Variants in PTPN5 observed in about 807,000 individuals in gnomAD.
The protein encoded by PTPN5 is protein tyrosine phosphatase non-receptor type 5.
PTPN5 carries 29 observed loss-of-function variants against 73.9 expected under a neutral mutation model. The observed-to-expected ratio is 0.39, with a 90% CI of 0.29 to 0.54. The LOEUF (loss-of-function observed/expected upper bound fraction) is 0.54, where lower values mean the gene tolerates loss of function less well. Among genes scored for constraint, PTPN5 ranks in the 20% least tolerant of loss-of-function variants. PTPN5 has a pLI of 0.65. For synonymous variants in PTPN5, 267 were observed against 304.7 expected (o/e 0.88, Z 1.29); for missense variants, 652 against 751.4 (o/e 0.87, Z 1.55).
chr11:18,748,878 C>T (rs916405302), intron 3 of PTPN5, among the ~76,000 whole-genome samples: 2 of 152,188 alleles, frequency 1.3e-5, no homozygotes, highest in South Asian at 4.1e-4. Context: ...TCTGGGGACA[C>T]AGCAGTGAAG....
In PTPN5 at chr11:18,777,991, AAAGGAAGGAAGG is replaced by A. The variant is rs1157092227; in HGVS notation, c.-113-5932_-113-5921del. On this transcript the variant is annotated intron_variant, in intron 1 of 14. Coordinates refer to ENST00000358540, the MANE Select transcript of PTPN5 (RefSeq NM_006906.2). The stretch of plus-strand genomic sequence containing the variant: ...GGAAGGAAGGAAGAAAGAAAGAAAG[AAAGGAAGGAAGG>A]AAGGAAGGAAGGAAGGAAGGAAGGG... Among the ~76,000 whole-genome samples, 6 of 92,566 alleles carry A rather than the reference AAAGGAAGGAAGG, an allele frequency of 6.5e-5. No individual in the cohort carries two copies. The East Asian group carries it at 4.0e-3, about 62-fold the overall frequency. The allele number at this position is 92,566 out of a possible 152,430, so 60.7% of individuals were successfully genotyped here.
chr11:18,748,222 T>C (rs1175711862), intron 3 of PTPN5, among the ~76,000 whole-genome samples: 1 of 152,204 alleles, frequency 6.6e-6, no homozygotes, highest in African/African-American at 2.4e-5. Context: ...TATGCGAGGC[T>C]CTGTGAGACC....
At chr11:18,750,172 G>A (rs1032564716) in intron 3 of PTPN5, among the ~76,000 whole-genome samples, 1 of 152,170 alleles carries the variant, frequency 6.6e-6, no homozygotes, top group East Asian at 1.9e-4. Flanking sequence ...ACCGTGTGCT[G>A]GGTGCGGTTC....
intron 1 of PTPN5, among the ~76,000 whole-genome samples, chr11:18,774,957 C>T (rs188730312): frequency 6.6e-6 from 1 of 152,232 alleles, no homozygotes; most frequent in Non-Finnish European, 1.5e-5. Context: ...TAGCTCCCGA[C>T]CGAAGAGGAT....
At chr11:18,751,093 A>T (rs539717028) in intron 3 of PTPN5, among the ~76,000 whole-genome samples, 1 of 152,294 alleles carries the variant, frequency 6.6e-6, no homozygotes, top group East Asian at 1.9e-4. Flanking sequence ...TGCCACTGCA[A>T]TATCACACCC....
chr11:18,778,573 CT>C (rs972623247), intron 1 of PTPN5, among the ~76,000 whole-genome samples: 3 of 152,158 alleles, frequency 2.0e-5, no homozygotes, highest in Non-Finnish European at 4.4e-5. Flanking sequence ...AAGATCTGGT[CT>C]TTTGAAAGCA....
In PTPN5 at chr11:18,788,419, C is replaced by T. The variant is rs143527094; in HGVS notation, c.-114+3106G>A. 5.3e-4 allele frequency among the ~76,000 whole-genome samples: 80 copies of T among 152,282 alleles called. No individual in the cohort carries two copies. In the South Asian group the frequency reaches 6.2e-3, roughly 12 times the overall value. The stretch of plus-strand genomic sequence containing the variant: ...AATAACCTCCATCCCCTTACCCAAC[C>T]TTCCTTCTCAAGTCCCTTCTTTTAT... On this transcript the variant is annotated intron_variant, in intron 1 of 14. Transcript: ENST00000358540.
chr11:18,786,692 G>T (rs1490304717), intron 1 of PTPN5, among the ~76,000 whole-genome samples: 1 of 152,108 alleles, frequency 6.6e-6, no homozygotes, highest in South Asian at 2.1e-4. Context: ...CTGGACTGGG[G>T]GTCCAGAGAT....
At chr11:18,763,903 G>C (rs773435626) in intron 3 of PTPN5, among the ~76,000 whole-genome samples, 3 of 152,164 alleles carry the variant, frequency 2.0e-5, no homozygotes, top group Non-Finnish European at 2.9e-5. Flanking sequence ...CAGAACAGGC[G>C]GACTCAAACG....
chr11:18,752,977 A>C (rs1849960296), intron 3 of PTPN5, among the ~76,000 whole-genome samples: 1 of 152,246 alleles, frequency 6.6e-6, no homozygotes, highest in South Asian at 2.1e-4. Context: ...CTCATCTTTA[A>C]GCCTCTAGTT....
At chr11:18,767,984 T>C (rs1850712709) in intron 2 of PTPN5, among the ~76,000 whole-genome samples, 1 of 152,196 alleles carries the variant, frequency 6.6e-6, no homozygotes, top group Non-Finnish European at 1.5e-5. Context: ...CTGTAATATA[T>C]GCCATTATTC....
At chr11:18,770,918 C>T (rs756227524) in intron 2 of PTPN5, among the ~76,000 whole-genome samples, 6 of 152,138 alleles carry the variant, frequency 3.9e-5, no homozygotes, top group African/African-American at 1.4e-4. Context: ...AAAGGCACCG[C>T]CCCTCTGCCT....
At chr11:18,786,424 G>A (rs978512699) in intron 1 of PTPN5, among the ~76,000 whole-genome samples, 4 of 152,034 alleles carry the variant, frequency 2.6e-5, no homozygotes, top group African/African-American at 4.8e-5. Flanking sequence ...GGATAGTCTC[G>A]ATCTCCTGAC....
At chr11:18,779,213 G>A (rs1222150885) in intron 1 of PTPN5, among the ~76,000 whole-genome samples, 1 of 152,160 alleles carries the variant, frequency 6.6e-6, no homozygotes, top group Non-Finnish European at 1.5e-5. Context: ...GCTCAGGCCT[G>A]GCTCACGTCA....
At chr11:18,774,228 T>C (rs1851040123) in intron 1 of PTPN5, among the ~76,000 whole-genome samples, 1 of 152,226 alleles carries the variant, frequency 6.6e-6, no homozygotes, top group Admixed American at 6.5e-5. Flanking sequence ...AAGGTGAATG[T>C]TGACTATCAT....
chr11:18,772,907 T>C (rs1344820391), intron 1 of PTPN5, among the ~76,000 whole-genome samples: 2 of 151,084 alleles, frequency 1.3e-5, no homozygotes, highest in Non-Finnish European at 2.9e-5. Context: ...GCCAGACCCC[T>C]AAGGAGGCAG....
chr11:18,739,901 C>T (rs964764784), intron 8 of PTPN5, among the ~76,000 whole-genome samples: 2 of 152,180 alleles, frequency 1.3e-5, no homozygotes, highest in African/African-American at 2.4e-5. Context: ...CGAGATGTGC[C>T]GGCACCCCTG....
chr11:18,745,576 C>CTT (rs1849581783), intron 3 of PTPN5, among the ~76,000 whole-genome samples: 1 of 152,172 alleles, frequency 6.6e-6, no homozygotes, highest in South Asian at 2.1e-4. Flanking sequence ...AAGGTAACAC[C>CTT]TATTCATCTT....
intron 3 of PTPN5, among the ~76,000 whole-genome samples, chr11:18,752,486 C>T (rs1849936068): frequency 6.6e-6 from 1 of 152,146 alleles, no homozygotes; most frequent in Non-Finnish European, 1.5e-5. Context: ...TGCTGGCTGG[C>T]AACTGGGGTC....
Sources: allele counts gnomAD v4.1 joint callset (sites outside exome capture counted in the v4.1 genomes callset), GRCh38; gene constraint gnomAD v4.1.1; transcripts MANE v1.5; gene names NCBI Gene and HGNC (gene_info 2026-07-23, HGNC 2026-07-21).